The following ALG11 variants were observed in gnomAD, a reference collection of about 807,000 sequenced individuals.
ALG11 encodes GDP-Man:Man(3)GlcNAc(2)-PP-Dol alpha-1,2-mannosyltransferase.
ALG11 carries 26 observed loss-of-function variants against 38.8 expected under a neutral mutation model. The observed-to-expected ratio is 0.67, with a 90% CI of 0.49 to 0.93. The LOEUF (loss-of-function observed/expected upper bound fraction) is 0.93, where lower values mean the gene tolerates loss of function less well. Among genes scored for constraint, ALG11 ranks in the 40% least tolerant of loss-of-function variants. ALG11 has a pLI of 0.00. For missense variants in ALG11, 535 were observed against 578.8 expected (o/e 0.92, Z 0.78); for synonymous variants, 199 against 211.6 (o/e 0.94, Z 0.52).
rs779296066 is a variant in ALG11, at chr13:52,028,456, AT to A, written c.1346del (p.Ile449ThrfsTer23). The A allele has an allele frequency of 6.2e-7, 1 of 1,614,240 alleles. No homozygotes were observed. Among genetic ancestry groups the A allele is most frequent in the Non-Finnish European group, 8.5e-7 (1 of 1,180,048 alleles). On this transcript the variant is annotated frameshift_variant, in exon 4 of 4. Coordinates refer to ENST00000521508, the MANE Select transcript of ALG11 (RefSeq NM_001004127.3). LOFTEE classifies it high-confidence loss of function. ...AESEEDYAET[I>X]AHILSMSAEK... ...GAGTGAAGAAGACTATGCTGAAACT[AT>A]CGCTCACATTCTTTCCATGTCTGCA... is the stretch of plus-strand genomic sequence containing the variant.
At chr13:52,028,181 A>T in intron 3 of ALG11, 138 bp from the exon 4 acceptor site, 1 of 983,938 alleles carries the variant, frequency 1.0e-6, no homozygotes, top group Non-Finnish European at 1.5e-6. Context: ...TAGAAGTTGA[A>T]TAAGCAAATG....
Position 52,023,999 on chromosome 13 carries a change from A to G in ALG11, c.276-7A>G. 5 of 1,613,482 alleles carry G rather than the reference A, an allele frequency of 3.1e-6. No homozygotes were observed. Among genetic ancestry groups the G allele is most frequent in the Non-Finnish European group, 4.2e-6 (5 of 1,179,570 alleles). ...AATATATTCTTAACCATTACATTCT[A>G]TTTTAGGTATCCTGAAGCAGTTTAT... is the stretch of plus-strand genomic sequence containing the variant. On this transcript the variant is annotated splice_region_variant and splice_polypyrimidine_tract_variant and intron_variant, in intron 2 of 3. Transcript: ENST00000521508.
chr13:52,016,220 G>A (rs183981348), intron 1 of ALG11: 1 of 152,366 alleles, frequency 6.6e-6, no homozygotes, highest in Non-Finnish European at 1.5e-5. Context: ...AAGAATTCAA[G>A]AAGTGACTTG....
At chr13:52,022,551 C>A (rs1227678875) in intron 2 of ALG11, 1 of 152,218 alleles carries the variant, frequency 6.6e-6, no homozygotes, top group African/African-American at 2.4e-5. Context: ...CTGTGGGTGT[C>A]TTTATCAATG....
chr13:52,016,229 T>A (rs1163316517), intron 1 of ALG11: 1 of 152,218 alleles, frequency 6.6e-6, no homozygotes, highest in East Asian at 1.9e-4. Flanking sequence ...AGAAGTGACT[T>A]GGGTGCTCTT....
Position 52,030,659 on chromosome 13 carries a change from A to G in ALG11, c.*2069A>G. ...GAAGAGGGAAGCTGTGGAGGCGAGTAAGCCAAAGGACGTGGACCTGACACT... is the reference window on the plus strand; with the variant it reads ...GAAGAGGGAAGCTGTGGAGGCGAGTGAGCCAAAGGACGTGGACCTGACACT... On this transcript the variant is annotated 3_prime_UTR_variant, in exon 4 of 4. Transcript: ENST00000521508. 6.2e-7 allele frequency: 1 copy of G among 1,614,196 alleles called. No individual in the cohort carries two copies. Among genetic ancestry groups the G allele is most frequent in the Non-Finnish European group, 8.5e-7 (1 of 1,180,024 alleles).
At position 52,023,971 on chromosome 13, in the gene ALG11, CTT is replaced by C. The variant is rs1169201655; in HGVS notation, c.276-34_276-33del. On this transcript the variant is annotated intron_variant, in intron 2 of 3. Transcript: ENST00000521508. ...CACCGTGTCTGGCTAATTTTTGTAA[CTT>C]AATATATTCTTAACCATTACATTCT... 6 of 1,604,514 alleles carry C rather than the reference CTT, an allele frequency of 3.7e-6. No homozygotes were observed. The Admixed American group carries it at 8.3e-5, about 22-fold the overall frequency.
intron 2 of ALG11, chr13:52,021,405 G>A (rs1039173161): frequency 6.6e-6 from 1 of 152,194 alleles, no homozygotes; most frequent in African/African-American, 2.4e-5. Flanking sequence ...CAGTGAAAAT[G>A]AGAAAAGAGA....
rs1461722280 is a variant in ALG11, at chr13:52,012,434, A to G, written c.16A>G (p.Arg6Gly). 6.2e-7 allele frequency: 1 copy of G among 1,614,070 alleles called. No individual in the cohort carries two copies. The highest frequency in any genetic ancestry group is 1.3e-5 in the African/African-American group (1 of 74,946). Reference sequence around the variant, plus strand: ...TCGGCGGAAGATGGCGGCCGGCGAAAGGAGCTGGTGCCTGTGCAAGTTGTT... The same window carrying G: ...TCGGCGGAAGATGGCGGCCGGCGAAGGGAGCTGGTGCCTGTGCAAGTTGTT... MAAGE[R>G]SWCLCKLLRF... The change falls in exon 1 of 4, where the codon AGG becomes GGG. Residue 6 changes from arginine to glycine, a missense_variant. Transcript: ENST00000521508.
chr13:52,026,539 C>T (rs1347314926), intron 3 of ALG11, among the ~76,000 whole-genome samples: 1 of 152,112 alleles, frequency 6.6e-6, no homozygotes, highest in Non-Finnish European at 1.5e-5. Flanking sequence ...AGCTGAACTT[C>T]GTAGGTGAAC....
In ALG11 at chr13:52,029,857, G is replaced by A; in HGVS notation, c.*1267G>A. 6.2e-7 allele frequency: 1 copy of A among 1,614,196 alleles called. No individual in the cohort carries two copies. The highest frequency in any genetic ancestry group is 1.1e-5 in the South Asian group (1 of 91,088). On this transcript the variant is annotated 3_prime_UTR_variant, in exon 4 of 4. Transcript: ENST00000521508. ...AGGAAGAGGAGGGAGGCACAGAAGTGGAAGAACTCCTTGTCCCTCATGTAG... is the reference window on the plus strand; with the variant it reads ...AGGAAGAGGAGGGAGGCACAGAAGTAGAAGAACTCCTTGTCCCTCATGTAG...
chr13:52,023,327 A>G (rs1214464997), intron 2 of ALG11: 12 of 152,220 alleles, frequency 7.9e-5, no homozygotes, highest in African/African-American at 2.9e-4. Context: ...AGGAAATAGC[A>G]AAGAACTAGA....
At chr13:52,020,666 T>C (rs1954176446) in intron 2 of ALG11, 1 of 152,316 alleles carries the variant, frequency 6.6e-6, no homozygotes, top group African/African-American at 2.4e-5. Context: ...CTAACCCATC[T>C]ACAAGGAGAA....
Position 52,029,873 on chromosome 13 carries a change from C to T in ALG11, c.*1283C>T. ...CACAGAAGTGGAAGAACTCCTTGTCCCTCATGTAGCGAATGAAGTGCAGAT... is the reference window on the plus strand; with the variant it reads ...CACAGAAGTGGAAGAACTCCTTGTCTCTCATGTAGCGAATGAAGTGCAGAT... On this transcript the variant is annotated 3_prime_UTR_variant, in exon 4 of 4. Coordinates refer to ENST00000521508, the MANE Select transcript of ALG11 (RefSeq NM_001004127.3). 6.2e-7 allele frequency: 1 copy of T among 1,614,148 alleles called. No individual in the cohort carries two copies. The highest frequency in any genetic ancestry group is 8.5e-7 in the Non-Finnish European group (1 of 1,180,034).
rs146100028 is a variant in ALG11 at position 52,012,441 on chromosome 13, G to C, written c.23G>C (p.Trp8Ser). Residue 8 changes from tryptophan (W) to serine (S), a missense_variant, in exon 1 of 4, where the codon TGG becomes TCG. Coordinates refer to ENST00000521508, the MANE Select transcript of ALG11 (RefSeq NM_001004127.3). Reference protein sequence around the residue: MAAGERSWCLCKLLRFFY... With the variant: MAAGERSSCLCKLLRFFY... ...AAGATGGCGGCCGGCGAAAGGAGCT[G>C]GTGCCTGTGCAAGTTGTTGAGGTGA... 236 of 1,614,076 alleles carry C rather than the reference G, an allele frequency of 1.5e-4. No homozygotes were observed. The highest frequency in any genetic ancestry group is 1.9e-4 in the Non-Finnish European group (227 of 1,180,056).
At position 52,024,602 on chromosome 13, in the gene ALG11, C is replaced by T. The variant is rs1954220743; in HGVS notation, c.872C>T (p.Pro291Leu). 1 of 1,613,874 alleles carries T rather than the reference C, an allele frequency of 6.2e-7. No individual in the cohort carries two copies. The highest frequency in any genetic ancestry group is 8.5e-7 in the Non-Finnish European group (1 of 1,179,858). Residue 291 changes from proline (P) to leucine (L), a missense_variant, in exon 3 of 4, where the codon CCC (proline) becomes CTC (leucine). Pro to Leu is a moderately conservative substitution (Grantham distance 98). Coordinates refer to ENST00000521508, the MANE Select transcript of ALG11 (RefSeq NM_001004127.3). ...GATGTGCAGACATTTCTGGACATTCCCTTACATGAGAAAAAGATGACCCCA... is the reference window on the plus strand; with the variant it reads ...GATGTGCAGACATTTCTGGACATTCTCTTACATGAGAAAAAGATGACCCCA... ...PCDVQTFLDI[P>L]LHEKKMTPGH...
chr13:52,024,253 T>C lies in ALG11; in HGVS notation c.523T>C (p.Ser175Pro). The change falls in exon 3 of 4, where the codon TCA becomes CCA. Residue 175 changes from serine (S) to proline (P), a missense_variant. Coordinates refer to ENST00000521508, the MANE Select transcript of ALG11 (RefSeq NM_001004127.3). ...GTGTGTTCCTGATGTTTACATTGAT[T>C]CAATGGGATACGCTTTTACGCTTCC... Reference protein sequence around the residue: ...MQCVPDVYIDSMGYAFTLPLF... With the variant: ...MQCVPDVYIDPMGYAFTLPLF... 6.2e-7 allele frequency: 1 copy of C among 1,614,196 alleles called. No individual in the cohort carries two copies. The highest frequency in any genetic ancestry group is 8.5e-7 in the Non-Finnish European group (1 of 1,180,038).
Position 52,031,854 on chromosome 13 carries a change from AGTT to A in ALG11, c.*3268_*3270del, listed in dbSNP as rs1176589630. On this transcript the variant is annotated 3_prime_UTR_variant, in exon 4 of 4. Coordinates refer to ENST00000521508, the MANE Select transcript of ALG11 (RefSeq NM_001004127.3). ...CTCAGATTCTTCATCTGTAATCTGG[AGTT>A]GTTAATTCCAGTCCTTACTACCTTT... 3.0e-5 allele frequency: 5 copies of A among 167,052 alleles called. No homozygotes were observed. The highest frequency in any genetic ancestry group is 1.2e-4 in the African/African-American group (5 of 41,434). The allele number at this position is 167,052 out of a possible 1,614,324, so 10.3% of individuals were successfully genotyped here. A position where few individuals can be genotyped will look rare whatever the true frequency, so the allele number is the denominator to read the frequency against.
At position 52,018,979 on chromosome 13, in the gene ALG11, T is replaced by G. The variant is rs766405716; in HGVS notation, c.111T>G (p.Ile37Met). The G allele has an allele frequency of 2.0e-5, 33 of 1,613,998 alleles. No homozygotes were observed. Among genetic ancestry groups the G allele is most frequent in the Non-Finnish European group, 2.8e-5 (33 of 1,180,008 alleles). The change falls in exon 2 of 4, where the codon ATT becomes ATG. Residue 37 changes from isoleucine (I) to methionine (M), a missense_variant. Ile to Met is a conservative substitution (Grantham distance 10). Transcript: ENST00000521508. ...GAACTTTATGTGTGTGTTTGGTCAT[T>G]GTCCTTTGGGGAATCAGACTGCTGC... ...VCGTLCVCLV[I>M]VLWGIRLLLQ...
Sources: gnomAD v4.1 joint callset for allele counts (sites outside exome capture counted in the v4.1 genomes callset) on GRCh38, gnomAD v4.1.1 for gene constraint, MANE v1.5 for transcripts, NCBI Gene and HGNC (gene_info 2026-07-23, HGNC 2026-07-21) for gene names.